TEX11: variants seen among roughly 807,000 people sequenced by gnomAD.
The protein encoded by TEX11 is testis expressed 11.
TEX11 carries 7 observed loss-of-function variants against 84.4 expected under a neutral mutation model. That is an observed-to-expected ratio of 0.08 (90% confidence interval 0.05 to 0.16). TEX11 has a LOEUF of 0.16. Ranked by LOEUF, TEX11 falls within the 10% of genes least tolerant of loss-of-function variation. TEX11 has a pLI of 1.00. For synonymous variants in TEX11, 264 were observed against 222.8 expected (o/e 1.18, Z -1.64); for missense variants, 551 against 660.5 (o/e 0.83, Z 1.82).
intron 9 of TEX11, among the ~76,000 whole-genome samples, chrX:70,764,680 G>A (rs1410303360): frequency 9.0e-6 from 1 of 111,278 alleles, no homozygotes; most frequent in Non-Finnish European, 1.9e-5. Flanking sequence ...AGGATAATTA[G>A]TGGCCACTAT....
intron 17 of TEX11, among the ~76,000 whole-genome samples, chrX:70,648,465 T>C (rs1348792611): frequency 9.0e-6 from 1 of 110,859 alleles, no homozygotes; most frequent in African/African-American, 3.3e-5. Context: ...TCAATATATA[T>C]ATAATTTTTA....
chrX:70,886,072 C>T (rs772744587), intron 2 of TEX11, among the ~76,000 whole-genome samples: 2 of 110,928 alleles, frequency 1.8e-5, no homozygotes, highest in South Asian at 7.7e-4. Context: ...GCATATGATA[C>T]AGCAATTACA....
At chrX:70,837,335 G>A (rs1453544571) in intron 7 of TEX11, among the ~76,000 whole-genome samples, 3 of 111,226 alleles carry the variant, frequency 2.7e-5, no homozygotes, top group African/African-American at 9.8e-5. Flanking sequence ...GAGGTGGGTG[G>A]ATCACTTGAG....
At chrX:70,890,639 G>T (rs1463357767) in intron 2 of TEX11, among the ~76,000 whole-genome samples, 1 of 112,415 alleles carries the variant, frequency 8.9e-6, no homozygotes, top group Non-Finnish European at 1.9e-5. Flanking sequence ...CAAGGCAGCA[G>T]CCTAGCAGGG....
At chrX:70,705,806 C>A (rs182955836) in intron 13 of TEX11, among the ~76,000 whole-genome samples, 1 of 111,537 alleles carries the variant, frequency 9.0e-6, no homozygotes, top group Non-Finnish European at 1.9e-5. Flanking sequence ...AGTCAGGAAA[C>A]AACAGGTGCT....
intron 8 of TEX11, among the ~76,000 whole-genome samples, chrX:70,826,129 C>A (rs995854646): frequency 9.1e-6 from 1 of 109,337 alleles, no homozygotes; most frequent in African/African-American, 3.3e-5. Flanking sequence ...CATAATGAAA[C>A]CCCCCCAACG....
At chrX:70,620,855 G>C (rs1050544165) in intron 20 of TEX11, among the ~76,000 whole-genome samples, 5 of 112,170 alleles carry the variant, frequency 4.5e-5, no homozygotes, top group African/African-American at 1.6e-4. Flanking sequence ...CATATTGTAT[G>C]ATTCCAACTG....
At chrX:70,648,876 G>A (rs1193929961) in intron 17 of TEX11, among the ~76,000 whole-genome samples, 4 of 102,529 alleles carry the variant, frequency 3.9e-5, no homozygotes, top group African/African-American at 1.0e-4. Context: ...TCCCCTCCCC[G>A]CCCCCAACAG....
At chrX:70,572,166 C>A (rs1246207757) in intron 25 of TEX11, among the ~76,000 whole-genome samples, 32 of 107,114 alleles carry the variant, frequency 3.0e-4, no homozygotes, top group Admixed American at 2.6e-3. Context: ...AAAAAAAAAA[C>A]AACCCCATCA....
At chrX:70,746,035 G>A (rs1431755665) in intron 9 of TEX11, among the ~76,000 whole-genome samples, 1 of 111,311 alleles carries the variant, frequency 9.0e-6, no homozygotes, top group Non-Finnish European at 1.9e-5. Context: ...TTGTCCTAAG[G>A]GCACACAGAA....
At chrX:70,594,988 T>C (rs1350132751) in intron 24 of TEX11, among the ~76,000 whole-genome samples, 1 of 111,610 alleles carries the variant, frequency 9.0e-6, no homozygotes, top group Non-Finnish European at 1.9e-5. Flanking sequence ...CCAGAGACCA[T>C]ATAGTAACTC....
chrX:70,805,926 T>G (rs2091216481), intron 9 of TEX11, among the ~76,000 whole-genome samples: 1 of 111,928 alleles, frequency 8.9e-6, no homozygotes, highest in South Asian at 3.7e-4. Context: ...CTCCAAATCT[T>G]AGTATAGTAC....
intron 7 of TEX11, among the ~76,000 whole-genome samples, chrX:70,836,699 G>T (rs2091407278): frequency 8.9e-6 from 1 of 111,920 alleles, no homozygotes; most frequent in African/African-American, 3.2e-5. Flanking sequence ...AAAGAAATGG[G>T]ATCTCTCATA....
chrX:70,605,667 T>C, intron 23 of TEX11, 150 bp from the exon 24 acceptor site: 2 of 389,075 alleles, frequency 5.1e-6, no homozygotes, highest in Non-Finnish European at 4.5e-6. Context: ...TAAACTATAA[T>C]ACTGATTTAT....
In TEX11 at chrX:70,641,681, C is replaced by T. The variant is rs1239153185; in HGVS notation, c.1483+9769G>A. On this transcript the variant is annotated intron_variant, in intron 17 of 29. Transcript: ENST00000374333. ...TCCTCAATGACTGCTGGGTACATAA[C>T]GAAATGAAGACAGAAATAAAGATGT... 4.5e-5 allele frequency among the ~76,000 whole-genome samples: 5 copies of T among 110,958 alleles called. No homozygotes were observed. The South Asian group carries it at 1.2e-3, about 26-fold the overall frequency.
chrX:70,762,438 C>G (rs759562664), intron 9 of TEX11, among the ~76,000 whole-genome samples: 4 of 111,154 alleles, frequency 3.6e-5, no homozygotes, highest in African/African-American at 1.3e-4. Context: ...AAGCAGGAAC[C>G]GGGCTGCACA....
At chrX:70,815,631 A>G (rs1333660221) in intron 8 of TEX11, among the ~76,000 whole-genome samples, 1 of 111,756 alleles carries the variant, frequency 8.9e-6, no homozygotes, top group Non-Finnish European at 1.9e-5. Context: ...ATATATACGA[A>G]AAAACATAGT....
chrX:70,678,398 T>C (rs2090092958), intron 15 of TEX11, among the ~76,000 whole-genome samples: 1 of 110,791 alleles, frequency 9.0e-6, no homozygotes, highest in African/African-American at 3.3e-5. Context: ...AAATTATAAA[T>C]GATTGTTCTT....
chrX:70,573,020 A>T lies in TEX11; in HGVS notation c.2141-18220T>A, dbSNP rs757733503. 5.4e-5 allele frequency among the ~76,000 whole-genome samples: 6 copies of T among 111,645 alleles called. No homozygotes were observed. The South Asian group carries it at 2.3e-3, about 42-fold the overall frequency. ...GTATAATAAATAAATAAATAAATAA[A>T]ATTTCCAGATTCACATTTGTCCTTT... On this transcript the variant is annotated intron_variant, in intron 25 of 29. Coordinates refer to ENST00000374333, the MANE Select transcript of TEX11 (RefSeq NM_031276.3).
Sources: allele counts gnomAD v4.1 joint callset (sites outside exome capture counted in the v4.1 genomes callset), GRCh38; gene constraint gnomAD v4.1.1; transcripts MANE v1.5; gene names NCBI Gene and HGNC (gene_info 2026-07-23, HGNC 2026-07-21).